The following ATG10 variants were observed in gnomAD, a reference collection of about 807,000 sequenced individuals.
The protein encoded by ATG10 is autophagy related 10, also known as ubiquitin-like-conjugating enzyme ATG10.
ATG10 carries 30 observed loss-of-function variants against 32.1 expected under a neutral mutation model. The ratio of observed to expected loss-of-function variants is 0.94; its 90% confidence interval spans 0.70 to 1.27. The LOEUF (loss-of-function observed/expected upper bound fraction) is 1.27. ATG10 is among the 50% of genes most tolerant of loss of function. The pLI, the probability that ATG10 is intolerant of heterozygous loss-of-function variation, is 0.00. For synonymous variants in ATG10, 87 were observed against 91.5 expected, an observed-to-expected ratio of 0.95 and a Z score of 0.28; for missense variants, 233 against 262.3, an observed-to-expected ratio of 0.89 and a Z score of 0.77.
intron 3 of ATG10, among the ~76,000 whole-genome samples, chr5:82,121,886 G>C (rs1391927700): frequency 2.0e-5 from 3 of 149,016 alleles, no homozygotes; most frequent in Non-Finnish European, 4.4e-5. Flanking sequence ...GAGGATTTTT[G>C]CATCGAAGTT....
chr5:82,247,351 G>C (rs1747079704), intron 5 of ATG10, among the ~76,000 whole-genome samples: 2 of 151,566 alleles, frequency 1.3e-5, no homozygotes, highest in South Asian at 4.2e-4. Flanking sequence ...TCTTCACATT[G>C]AATACTTTCT....
At chr5:81,996,368 A>G (rs1761665364) in intron 2 of ATG10, among the ~76,000 whole-genome samples, 1 of 152,108 alleles carries the variant, frequency 6.6e-6, no homozygotes, top group Admixed American at 6.5e-5. Flanking sequence ...CTCCCCGAGT[A>G]GTTGGGACTA....
intron 2 of ATG10, among the ~76,000 whole-genome samples, chr5:82,015,602 C>G (rs1156764662): frequency 1.3e-5 from 2 of 152,216 alleles, no homozygotes; most frequent in Non-Finnish European, 2.9e-5. Context: ...GATACCCTTT[C>G]TTCCAGTTGA....
chr5:82,035,627 C>G (rs998401690), intron 2 of ATG10, among the ~76,000 whole-genome samples: 1 of 151,578 alleles, frequency 6.6e-6, no homozygotes, highest in African/African-American at 2.4e-5. Flanking sequence ...TAATGTTGAG[C>G]ATATTTTTAT....
intron 3 of ATG10, among the ~76,000 whole-genome samples, chr5:82,158,164 T>C (rs1022563916): frequency 3.3e-5 from 5 of 152,176 alleles, no homozygotes; most frequent in African/African-American, 4.8e-5. Context: ...TGTCAACTTA[T>C]TGTTAATTGA....
rs560393333 is a variant in ATG10 at position 82,080,135 on chromosome 5, C to T, written c.216+21533C>T. ...TGGCCAGTGATGATGAGCATTTTTT[C>T]ATGTGTCTGTTGGCTGCATAAATGT... On this transcript the variant is annotated intron_variant, in intron 3 of 7. Transcript: ENST00000282185. Among the ~76,000 whole-genome samples, 1,274 of 152,280 alleles carry T rather than the reference C, an allele frequency of 8.4e-3. 14 individuals carry two copies. Among genetic ancestry groups the T allele is most frequent in the Middle Eastern group, 0.014 (4 of 294 alleles).
intron 1 of ATG10, among the ~76,000 whole-genome samples, chr5:81,985,912 G>A (rs1321113248): frequency 2.0e-5 from 3 of 152,080 alleles, no homozygotes; most frequent in South Asian, 4.1e-4. Context: ...ACAGGCGCCC[G>A]CCACCACGCC....
intron 2 of ATG10, among the ~76,000 whole-genome samples, chr5:81,994,001 T>C (rs1761585227): frequency 6.6e-6 from 1 of 152,220 alleles, no homozygotes; most frequent in South Asian, 2.1e-4. Context: ...ATCTTTTCTT[T>C]GGCAGCCCAT....
At chr5:82,169,104 T>A (rs918531184) in intron 4 of ATG10, among the ~76,000 whole-genome samples, 2 of 151,836 alleles carry the variant, frequency 1.3e-5, no homozygotes, top group African/African-American at 4.8e-5. Context: ...CAGTTTGGAG[T>A]AGGGGCTAAC....
chr5:82,058,656 A>T (rs1763678319), intron 3 of ATG10, 54 bp downstream of exon 3: 51 of 1,189,124 alleles, frequency 4.3e-5, no homozygotes, highest in Non-Finnish European at 5.8e-5. Flanking sequence ...TATACATTTA[A>T]AAATGTATAC....
intron 3 of ATG10, among the ~76,000 whole-genome samples, chr5:82,091,602 G>T (rs1404875178): frequency 6.6e-6 from 1 of 152,112 alleles, no homozygotes; most frequent in African/African-American, 2.4e-5. Context: ...TACTATTATA[G>T]TGATTTCCAT....
At chr5:81,979,117 C>CT (rs1760955052) in intron 1 of ATG10, among the ~76,000 whole-genome samples, 1 of 152,118 alleles carries the variant, frequency 6.6e-6, no homozygotes, top group Non-Finnish European at 1.5e-5. Context: ...CCAGGCTGGT[C>CT]TTGAACTCCT....
intron 2 of ATG10, among the ~76,000 whole-genome samples, chr5:82,035,469 T>C (rs1762890116): frequency 6.6e-6 from 1 of 152,196 alleles, no homozygotes; most frequent in Non-Finnish European, 1.5e-5. Flanking sequence ...AAACAGACTG[T>C]ACTAATTTAT....
At chr5:82,160,607 A>G (rs1295258142) in intron 3 of ATG10, among the ~76,000 whole-genome samples, 2 of 152,206 alleles carry the variant, frequency 1.3e-5, no homozygotes, top group African/African-American at 2.4e-5. Flanking sequence ...ACACTGTTTT[A>G]TATTCCAACC....
intron 5 of ATG10, among the ~76,000 whole-genome samples, chr5:82,187,280 G>T (rs1462219713): frequency 6.6e-6 from 1 of 152,042 alleles, no homozygotes; most frequent in Non-Finnish European, 1.5e-5. Context: ...GGAGGCCAAG[G>T]CAGGTAGATC....
chr5:82,088,260 GGT>G (rs776340152), intron 3 of ATG10, among the ~76,000 whole-genome samples: 4 of 151,700 alleles, frequency 2.6e-5, no homozygotes, highest in Non-Finnish European at 4.4e-5. Flanking sequence ...GCCTTAATAT[GGT>G]ATTATATGAC....
chr5:82,075,554 G>A (rs1764249287), intron 3 of ATG10, among the ~76,000 whole-genome samples: 1 of 152,170 alleles, frequency 6.6e-6, no homozygotes, highest in African/African-American at 2.4e-5. Context: ...AATATCTCAT[G>A]TTATTGCATA....
At chr5:82,049,159 C>T (rs1301426856) in intron 2 of ATG10, among the ~76,000 whole-genome samples, 1 of 151,374 alleles carries the variant, frequency 6.6e-6, no homozygotes, top group Non-Finnish European at 1.5e-5. Context: ...AAATGTCCAA[C>T]AATGATAGAC....
intron 3 of ATG10, among the ~76,000 whole-genome samples, chr5:82,150,629 C>T (rs1371259688): frequency 6.6e-6 from 1 of 152,170 alleles, no homozygotes; most frequent in Admixed American, 6.5e-5. Context: ...TTTCTGTCAC[C>T]TCAGAGAAAG....
Sources: gnomAD v4.1 joint callset for allele counts (sites outside exome capture counted in the v4.1 genomes callset) on GRCh38, gnomAD v4.1.1 for gene constraint, MANE v1.5 for transcripts, NCBI Gene and HGNC (gene_info 2026-07-23, HGNC 2026-07-21) for gene names.